The following UBR2 variants were observed in gnomAD, a reference collection of about 807,000 sequenced individuals.
The protein encoded by UBR2 is E3 ubiquitin-protein ligase UBR2.
Under a neutral mutation model 247.9 loss-of-function variants are expected in UBR2, and 92 were observed. The observed-to-expected ratio is 0.37, with a 90% CI of 0.31 to 0.44. The LOEUF is 0.44. Ranked by LOEUF, UBR2 falls within the 20% of genes least tolerant of loss-of-function variation. The pLI is 1.00. For synonymous variants in UBR2, 672 were observed against 693.5 expected, an observed-to-expected ratio of 0.97 and a Z score of 0.49; for missense variants, 1,613 against 2,112.6, an observed-to-expected ratio of 0.76 and a Z score of 4.64.
intron 11 of UBR2, among the ~76,000 whole-genome samples, chr6:42,625,613 CT>C (rs962021739): frequency 2.6e-5 from 4 of 151,806 alleles, no homozygotes; most frequent in African/African-American, 9.7e-5. Context: ...CCACACTCGG[CT>C]AATTTTTGTA....
At chr6:42,624,807 C>T (rs1582572374) in intron 11 of UBR2, among the ~76,000 whole-genome samples, 1 of 152,256 alleles carries the variant, frequency 6.6e-6, no homozygotes, top group East Asian at 1.9e-4. Flanking sequence ...CTCTTAGGTT[C>T]TACAATAGTG....
At chr6:42,663,173 CAA>C (rs1582681184) in intron 31 of UBR2, 83 bp from the exon 32 acceptor site, 2 of 1,165,268 alleles carry the variant, frequency 1.7e-6, no homozygotes, top group Non-Finnish European at 2.3e-6. Context: ...TTTGTGGAAA[CAA>C]ATTATTTTAA....
intron 36 of UBR2, among the ~76,000 whole-genome samples, chr6:42,671,550 G>A (rs141055565): frequency 6.6e-6 from 1 of 152,094 alleles, no homozygotes; most frequent in Non-Finnish European, 1.5e-5. Context: ...CTCTTTCCAA[G>A]TTCACCAAAT....
chr6:42,651,888 G>T (rs1307863081), intron 23 of UBR2, 135 bp from the exon 24 acceptor site: 3 of 727,894 alleles, frequency 4.1e-6, no homozygotes, highest in Non-Finnish European at 6.6e-6. Context: ...GAGGTGGGCA[G>T]ATCACAAGGT....
At chr6:42,614,383 TGTATGTACGTACATACATAC>T (rs2151937809) in intron 8 of UBR2, among the ~76,000 whole-genome samples, 1 of 140,636 alleles carries the variant, frequency 7.1e-6, no homozygotes, top group East Asian at 2.1e-4. Context: ...TGTGTATATA[TGTATGTACGTACATACATAC>T]GTATGTATGT....
chr6:42,678,682 T>G lies in UBR2; in HGVS notation c.4609+13T>G, dbSNP rs747772271. 1.2e-6 allele frequency: 2 copies of G among 1,604,684 alleles called. No homozygotes were observed. On this transcript the variant is annotated intron_variant, in intron 41 of 46. Transcript: ENST00000372901. Reference sequence around the variant, plus strand: ...CCCGACATTCAAGGTAATTTATACTTTCTTTCAAAACGTAGGGAGAGTTAG... The same window carrying G: ...CCCGACATTCAAGGTAATTTATACTGTCTTTCAAAACGTAGGGAGAGTTAG...
Position 42,676,169 on chromosome 6 carries a change from G to A in UBR2, c.4365G>A (p.Gln1455=). The change falls in exon 39 of 47, where the codon CAG becomes CAA. Residue 1455 remains glutamine, a synonymous_variant. Coordinates refer to ENST00000372901, the MANE Select transcript of UBR2 (RefSeq NM_001363705.2). ...TGGTTACTATGGCACACATCATACA[G>A]ATCTTACTTACCTCATGTACAGGTA... ...FHLVTMAHII[Q]ILLTSCTEEN... The A allele has an allele frequency of 6.2e-7, 1 of 1,611,246 alleles. No individual in the cohort carries two copies. Among genetic ancestry groups the A allele is most frequent in the Non-Finnish European group, 8.5e-7 (1 of 1,179,434 alleles).
chr6:42,593,471 A>G (rs1375764671), intron 3 of UBR2, among the ~76,000 whole-genome samples: 3 of 152,156 alleles, frequency 2.0e-5, no homozygotes, highest in Non-Finnish European at 2.9e-5. Flanking sequence ...TTATTCTAAA[A>G]TTTGCTGTAT....
chr6:42,679,973 TTTG>T (rs994194054), intron 42 of UBR2, 141 bp downstream of exon 42: 58 of 598,836 alleles, frequency 9.7e-5, no homozygotes, highest in South Asian at 1.7e-4. Flanking sequence ...GGGTGGGCCT[TTTG>T]TTGTTGTTTG....
chr6:42,626,047 C>G (rs1278766096), intron 11 of UBR2, among the ~76,000 whole-genome samples: 1 of 152,098 alleles, frequency 6.6e-6, no homozygotes, highest in Non-Finnish European at 1.5e-5. Context: ...ATCTCCTGAC[C>G]TCGTGATCTG....
rs1799770696 is a variant in UBR2, at chr6:42,691,836, CACTT to C, written c.*665_*668del. The C allele has an allele frequency of 6.7e-6, 1 of 148,766 alleles. No homozygotes were observed. The highest frequency in any genetic ancestry group is 2.5e-5 in the African/African-American group (1 of 40,164). 9.2% of individuals were successfully genotyped at this position (148,766 alleles called of 1,614,324 possible). On this transcript the variant is annotated 3_prime_UTR_variant, in exon 47 of 47. Transcript: ENST00000372901. ...CAAGACTTTTGGCTTTGAGAAAACT[CACTT>C]AGAGGGCTTTCCAAAAACTTAGGAT...
intron 31 of UBR2, among the ~76,000 whole-genome samples, chr6:42,662,773 A>C (rs977930605): frequency 6.6e-6 from 1 of 152,170 alleles, no homozygotes; most frequent in Non-Finnish European, 1.5e-5. Context: ...ATGCTCACCC[A>C]GTTATCATGA....
At chr6:42,582,940 G>GC (rs1451489726) in intron 2 of UBR2, among the ~76,000 whole-genome samples, 1 of 151,320 alleles carries the variant, frequency 6.6e-6, no homozygotes, top group Non-Finnish European at 1.5e-5. Context: ...TGTGCTTATT[G>GC]CCCATTCATC....
rs1794380210 is a variant in UBR2 at position 42,614,404 on chromosome 6, G to GTGTA, written c.986-666_986-665insGTAT. On this transcript the variant is annotated intron_variant, in intron 8 of 46. Transcript: ENST00000372901. ...TATATGTATGTACGTACATACATAC[G>GTGTA]TATGTATGTACGTACGTACATATAT... Among the ~76,000 whole-genome samples, 3 of 114,682 alleles carry GTGTA rather than the reference G, an allele frequency of 2.6e-5. 1 individual carries two copies. Among genetic ancestry groups the GTGTA allele is most frequent in the Non-Finnish European group, 3.6e-5 (2 of 55,960 alleles). 75.2% of individuals were successfully genotyped at this position (114,682 alleles called of 152,430 possible). A position where few individuals can be genotyped will look rare whatever the true frequency, so the allele number is the denominator to read the frequency against.
Position 42,644,196 on chromosome 6 carries a change from A to G in UBR2, c.2098-18A>G, listed in dbSNP as rs1562350184. 3 of 1,577,676 alleles carry G rather than the reference A, an allele frequency of 1.9e-6. No individual in the cohort carries two copies. The highest frequency in any genetic ancestry group is 2.6e-6 in the Non-Finnish European group (3 of 1,170,980). ...CTTCCTCTTTTCCTTTATCTCAAACATTAAAAAAAAAAAAAAGACAGGTGT... is the reference window on the plus strand; with the variant it reads ...CTTCCTCTTTTCCTTTATCTCAAACGTTAAAAAAAAAAAAAAGACAGGTGT... On this transcript the variant is annotated intron_variant, in intron 18 of 46. Coordinates refer to ENST00000372901, the MANE Select transcript of UBR2 (RefSeq NM_001363705.2).
At chr6:42,652,123 C>T in intron 24 of UBR2, 52 bp downstream of exon 24, 1 of 1,500,530 alleles carries the variant, frequency 6.7e-7, no homozygotes, top group Non-Finnish European at 9.0e-7. Flanking sequence ...GCTTGTTAAA[C>T]ATTGTTTTCT....
chr6:42,578,271 A>G (rs1316240755), intron 2 of UBR2, among the ~76,000 whole-genome samples: 1 of 152,168 alleles, frequency 6.6e-6, no homozygotes, highest in South Asian at 2.1e-4. Flanking sequence ...GCTTACTGTA[A>G]TGCTTTCAAG....
chr6:42,607,687 CAGGCA>C (rs1161763146), intron 7 of UBR2, among the ~76,000 whole-genome samples: 11,797 of 36,218 alleles, frequency 0.33, 1,022 homozygotes, highest in Non-Finnish European at 0.36. Flanking sequence ...GCTGGGAGGA[CAGGCA>C]TGTCCCACCA....
chr6:42,645,329 T>G (rs1292940727), intron 20 of UBR2, 137 bp from the exon 21 acceptor site: 18 of 807,980 alleles, frequency 2.2e-5, no homozygotes, highest in Non-Finnish European at 3.3e-5. Context: ...CCTGGCTTAT[T>G]GCAGAACAGT....
Sources: allele counts gnomAD v4.1 joint callset (sites outside exome capture counted in the v4.1 genomes callset), GRCh38; gene constraint gnomAD v4.1.1; transcripts MANE v1.5; gene names NCBI Gene and HGNC (gene_info 2026-07-23, HGNC 2026-07-21).